ATAD1: variants seen among roughly 807,000 people sequenced by gnomAD.
ATAD1 encodes the protein outer mitochondrial transmembrane helix translocase.
ATAD1 carries 18 observed loss-of-function variants against 42.7 expected under a neutral mutation model. The ratio of observed to expected loss-of-function variants is 0.42; its 90% CI spans 0.29 to 0.63. ATAD1 has a LOEUF of 0.63. Ranked by LOEUF, ATAD1 falls within the 20% of genes least tolerant of loss-of-function variation. ATAD1 has a pLI of 0.19. For synonymous variants in ATAD1, 132 were observed against 143.1 expected, an observed-to-expected ratio of 0.92 and a Z score of 0.55; for missense variants, 294 against 440.4, an observed-to-expected ratio of 0.67 and a Z score of 2.98.
chr10:87,768,214 G>A (rs1002467093), intron 7 of ATAD1, among the ~76,000 whole-genome samples: 2 of 152,052 alleles, frequency 1.3e-5, no homozygotes, highest in African/African-American at 2.4e-5. Context: ...TTGTTTACAT[G>A]TCTGTATGCT....
intron 1 of ATAD1, among the ~76,000 whole-genome samples, chr10:87,815,149 TA>T (rs1857357784): frequency 6.6e-6 from 1 of 152,086 alleles, no homozygotes; most frequent in Non-Finnish European, 1.5e-5. Flanking sequence ...TCCTCAGTAA[TA>T]AGTGGTATTA....
chr10:87,823,866 C>T (rs1003017286), intron 1 of ATAD1, among the ~76,000 whole-genome samples: 5 of 152,090 alleles, frequency 3.3e-5, no homozygotes, highest in East Asian at 1.9e-4. Context: ...AAATTAAGAT[C>T]GCATAAAACC....
At chr10:87,811,119 G>A (rs527373993) in intron 2 of ATAD1, among the ~76,000 whole-genome samples, 2 of 152,208 alleles carry the variant, frequency 1.3e-5, no homozygotes, top group South Asian at 4.1e-4. Context: ...GATCACTTGA[G>A]GTCAGGAGTT....
At chr10:87,778,196 A>AAC (rs1364032566) in intron 5 of ATAD1, among the ~76,000 whole-genome samples, 1 of 150,602 alleles carries the variant, frequency 6.6e-6, no homozygotes, top group African/African-American at 2.4e-5. Flanking sequence ...AAAAAAAAAA[A>AAC]AAAACTCAAG....
chr10:87,822,941 T>C (rs1857657904), upstream of ATAD1, among the ~76,000 whole-genome samples: 1 of 150,916 alleles, frequency 6.6e-6, no homozygotes, highest in South Asian at 2.1e-4. Context: ...ATAAACTTTT[T>C]TAAAAAATGA....
chr10:87,759,809 T>C (rs1854398484), intron 8 of ATAD1: 2 of 454,968 alleles, frequency 4.4e-6, no homozygotes, highest in South Asian at 3.1e-5. Flanking sequence ...GACTAATATG[T>C]ACTCCTTAGA....
intron 4 of ATAD1, among the ~76,000 whole-genome samples, chr10:87,788,461 T>C (rs1025634994): frequency 3.3e-5 from 5 of 152,168 alleles, no homozygotes; most frequent in Admixed American, 6.5e-5. Flanking sequence ...TGTCCAGACA[T>C]AAAGGTGAAA....
intron 8 of ATAD1, among the ~76,000 whole-genome samples, chr10:87,762,906 TAA>T (rs111774830): frequency 1.9e-5 from 2 of 106,030 alleles, no homozygotes; most frequent in African/African-American, 6.4e-5. Flanking sequence ...CCGTCTCTAC[TAA>T]AAAAAAAAAA....
intron 4 of ATAD1, among the ~76,000 whole-genome samples, chr10:87,785,316 C>T (rs2131890401): frequency 6.6e-6 from 1 of 151,592 alleles, no homozygotes; most frequent in Non-Finnish European, 1.5e-5. Flanking sequence ...TTGGGAACCA[C>T]CACCAACTGT....
intron 2 of ATAD1, among the ~76,000 whole-genome samples, chr10:87,811,537 C>T (rs2067661): frequency 0.3 from 45,754 of 151,836 alleles, 7,103 homozygotes; most frequent in African/African-American, 0.32. Flanking sequence ...CATTACACCA[C>T]CTCTTTTGGA....
At chr10:87,829,355 A>C (rs1857788528) in intron 1 of ATAD1, among the ~76,000 whole-genome samples, 1 of 151,868 alleles carries the variant, frequency 6.6e-6, no homozygotes, top group Non-Finnish European at 1.5e-5. Context: ...TCCCGGGTTC[A>C]AGCAATTCTC....
intron 4 of ATAD1, 46 bp from the exon 5 acceptor site, chr10:87,784,716 T>A (rs1174709794): frequency 6.5e-7 from 1 of 1,535,352 alleles, no homozygotes; most frequent in Non-Finnish European, 8.9e-7. Flanking sequence ...GATATTTGCT[T>A]CAATTTATAT....
intron 2 of ATAD1, among the ~76,000 whole-genome samples, chr10:87,809,636 A>G (rs1232587963): frequency 1.3e-5 from 2 of 148,248 alleles, no homozygotes; most frequent in Admixed American, 6.7e-5. Context: ...TTTTTTATTT[A>G]TTAATTTTAT....
intron 2 of ATAD1, among the ~76,000 whole-genome samples, chr10:87,813,352 CTTT>C (rs60561376): frequency 7.2e-6 from 1 of 139,380 alleles, no homozygotes. Context: ...ACTAGTTTTT[CTTT>C]TTTTTTTTTT....
chr10:87,800,409 A>G (rs12771844), intron 2 of ATAD1, among the ~76,000 whole-genome samples: 44,567 of 151,704 alleles, frequency 0.29, 6,747 homozygotes, highest in Non-Finnish European at 0.31. Context: ...TTTTTTCCTC[A>G]AGTTCTGTTT....
rs1019471084 is a variant in ATAD1, at chr10:87,753,401, T to G, written c.*1286A>C. 2 of 152,150 alleles carry G rather than the reference T, an allele frequency of 1.3e-5. No homozygotes were observed. The highest frequency in any genetic ancestry group is 6.5e-5 in the Admixed American group (1 of 15,268). 9.4% of individuals were successfully genotyped at this position (152,150 alleles called of 1,614,324 possible). On this transcript the variant is annotated 3_prime_UTR_variant, in exon 10 of 10. Coordinates refer to ENST00000680024, the MANE Select transcript of ATAD1 (RefSeq NM_001321967.2). ...ATTTAGAGTTTTTAAAGAAATACAG[T>G]AAAAGCAAAAACATATGAAGCATAA...
chr10:87,810,698 C>T (rs1363415903), intron 2 of ATAD1, among the ~76,000 whole-genome samples: 2 of 152,102 alleles, frequency 1.3e-5, no homozygotes, highest in Non-Finnish European at 2.9e-5. Flanking sequence ...TACTTTCAAC[C>T]TTTCTGAATC....
chr10:87,803,616 A>T (rs1276574237), intron 2 of ATAD1, among the ~76,000 whole-genome samples: 1 of 152,220 alleles, frequency 6.6e-6, no homozygotes, highest in East Asian at 1.9e-4. Context: ...TGTTCATTTT[A>T]CATATGCTGA....
At position 87,818,201 on chromosome 10, in the gene ATAD1, G is replaced by C. The variant is rs960201112; in HGVS notation, c.-48C>G. The C allele has an allele frequency of 1.2e-5, 12 of 985,566 alleles. No homozygotes were observed. The Admixed American group carries it at 6.8e-4, about 56-fold the overall frequency. The allele number at this position is 985,566 out of a possible 1,614,324, so 61.1% of individuals were successfully genotyped here. ...GAAACAGCAAGAGCAAGTGCCCTCA[G>C]CCGGCCTCACACAGGAAGGAAACGC... is the stretch of plus-strand genomic sequence containing the variant. On this transcript the variant is annotated 5_prime_UTR_variant, in exon 1 of 10. Transcript: ENST00000680024.
Sources: gnomAD v4.1 joint callset for allele counts (sites outside exome capture counted in the v4.1 genomes callset) on GRCh38, gnomAD v4.1.1 for gene constraint, MANE v1.5 for transcripts, NCBI Gene and HGNC (gene_info 2026-07-23, HGNC 2026-07-21) for gene names.